Variants in GULP1 observed in about 807,000 individuals in gnomAD.
GULP1 encodes GULP PTB domain containing engulfment adaptor 1.
Under a neutral mutation model 40.9 loss-of-function variants are expected in GULP1, and 19 were observed. That is an observed-to-expected ratio of 0.46 (90% CI 0.32 to 0.68). The LOEUF (loss-of-function observed/expected upper bound fraction) is 0.68, where lower values mean the gene tolerates loss of function less well. GULP1 is among the 30% of genes least tolerant of loss of function. The probability of loss-of-function intolerance (pLI) is 0.03; values close to 1 mark genes in which losing one functional copy is unlikely to be tolerated. For missense variants in GULP1, 312 were observed against 362.2 expected, an observed-to-expected ratio of 0.86 and a Z score of 1.12; for synonymous variants, 119 against 117.6, an observed-to-expected ratio of 1.01 and a Z score of -0.08.
intron 4 of GULP1, among the ~76,000 whole-genome samples, chr2:188,504,029 T>C (rs893856776): frequency 8.6e-5 from 13 of 151,866 alleles, no homozygotes; most frequent in African/African-American, 1.7e-4. Flanking sequence ...ATACTTTTTT[T>C]CCCTGATAAT....
intron 7 of GULP1, among the ~76,000 whole-genome samples, chr2:188,563,592 A>T (rs978801121): frequency 2.0e-5 from 3 of 151,192 alleles, no homozygotes; most frequent in African/African-American, 7.3e-5. Flanking sequence ...TCGGAACTAA[A>T]TATTTGGCCC....
chr2:188,473,125 C>A (rs10185493), intron 2 of GULP1, among the ~76,000 whole-genome samples: 3,360 of 152,074 alleles, frequency 0.022, 131 homozygotes, highest in African/African-American at 0.077. Flanking sequence ...TTCTTCTTTT[C>A]TTTTTCTTTC....
intron 2 of GULP1, among the ~76,000 whole-genome samples, chr2:188,431,524 A>C (rs901312848): frequency 1.3e-5 from 2 of 152,196 alleles, no homozygotes; most frequent in Non-Finnish European, 2.9e-5. Flanking sequence ...CACGAAGAGT[A>C]ATTGTAAAAG....
rs2058711287 is a variant in GULP1 at position 188,450,070 on chromosome 2, ATAATAT to A, written c.-44-27583_-44-27578del. Among the ~76,000 whole-genome samples the A allele has an allele frequency of 2.6e-5, 4 of 152,186 alleles. No homozygotes were observed. The South Asian group carries it at 6.2e-4, about 24-fold the overall frequency. ...ACATGCAAATTGATGGTTATCTAAGATAATATTAATAATGTACATGATATGAAGAAA... is the reference window on the plus strand; with the variant it reads ...ACATGCAAATTGATGGTTATCTAAGATAATAATGTACATGATATGAAGAAA... On this transcript the variant is annotated intron_variant, in intron 2 of 11. Transcript: ENST00000409830.
At chr2:188,362,906 A>G (rs1006136078) in intron 1 of GULP1, among the ~76,000 whole-genome samples, 1 of 152,074 alleles carries the variant, frequency 6.6e-6, no homozygotes, top group Non-Finnish European at 1.5e-5. Flanking sequence ...ACTTCCAACC[A>G]GTGAAGGAGA....
At chr2:188,525,957 A>G (rs1212490394) in intron 5 of GULP1, among the ~76,000 whole-genome samples, 1 of 152,214 alleles carries the variant, frequency 6.6e-6, no homozygotes, top group African/African-American at 2.4e-5. Flanking sequence ...AAAAATATAA[A>G]CATGAGAACC....
chr2:188,419,503 T>G (rs1036327239), intron 2 of GULP1, among the ~76,000 whole-genome samples: 2 of 151,922 alleles, frequency 1.3e-5, no homozygotes, highest in African/African-American at 4.8e-5. Context: ...ATATCTTTTT[T>G]GGAAAAAATG....
chr2:188,572,760 A>G (rs1699335762), intron 9 of GULP1, among the ~76,000 whole-genome samples: 1 of 152,218 alleles, frequency 6.6e-6, no homozygotes, highest in Admixed American at 6.5e-5. Flanking sequence ...CCATGCACAG[A>G]AAGACAAATA....
intron 2 of GULP1, among the ~76,000 whole-genome samples, chr2:188,417,696 C>T (rs982378717): frequency 1.3e-5 from 2 of 152,090 alleles, no homozygotes; most frequent in African/African-American, 4.8e-5. Flanking sequence ...TCAAAGGATC[C>T]TTATTGATGA....
intron 4 of GULP1, among the ~76,000 whole-genome samples, chr2:188,500,866 T>C (rs2063364823): frequency 6.6e-6 from 1 of 151,892 alleles, no homozygotes; most frequent in Admixed American, 6.6e-5. Context: ...TTCTATCAAA[T>C]TGGGTAAAGG....
At chr2:188,524,609 T>A (rs939006846) in intron 5 of GULP1, among the ~76,000 whole-genome samples, 16 of 150,966 alleles carry the variant, frequency 1.1e-4, no homozygotes, top group Middle Eastern at 6.8e-3. Context: ...TATATATTTT[T>A]TTTTTGCTTT....
At chr2:188,445,279 A>G (rs2152888712) in intron 2 of GULP1, among the ~76,000 whole-genome samples, 1 of 152,250 alleles carries the variant, frequency 6.6e-6, no homozygotes, top group African/African-American at 2.4e-5. Flanking sequence ...GTAGAAACAA[A>G]TGAGGAATTG....
intron 5 of GULP1, among the ~76,000 whole-genome samples, chr2:188,525,258 G>A (rs1685864880): frequency 6.6e-6 from 1 of 151,854 alleles, no homozygotes; most frequent in Non-Finnish European, 1.5e-5. Context: ...GGGCTTGGTG[G>A]CACACACCTG....
chr2:188,589,526 T>C (rs1703085721), intron 11 of GULP1: 2 of 357,438 alleles, frequency 5.6e-6, no homozygotes, highest in African/African-American at 2.1e-5. Flanking sequence ...CTCTAAAAAT[T>C]TTTTAGATTT....
At chr2:188,379,823 C>T (rs1460185036) in intron 1 of GULP1, among the ~76,000 whole-genome samples, 1 of 152,138 alleles carries the variant, frequency 6.6e-6, no homozygotes, top group Non-Finnish European at 1.5e-5. Flanking sequence ...ATGGCGTGTT[C>T]GTTCTTATTC....
rs533398675 is a variant in GULP1 at position 188,318,068 on chromosome 2, A to T, written c.-172+25902A>T. Among the ~76,000 whole-genome samples the T allele has an allele frequency of 6.6e-5, 10 of 152,150 alleles. No homozygotes were observed. The South Asian group carries it at 1.7e-3, about 25-fold the overall frequency. Reference sequence around the variant, plus strand: ...TACCTGCCTAATCTTAGTTGGATGAAATAACTGATTTCCTTCTAATTAATT... The same window carrying T: ...TACCTGCCTAATCTTAGTTGGATGATATAACTGATTTCCTTCTAATTAATT... On this transcript the variant is annotated intron_variant, in intron 1 of 11. Coordinates refer to ENST00000409830, the MANE Select transcript of GULP1 (RefSeq NM_016315.4).
chr2:188,524,521 A>G (rs1685635255), intron 5 of GULP1, among the ~76,000 whole-genome samples: 1 of 151,748 alleles, frequency 6.6e-6, no homozygotes, highest in African/African-American at 2.4e-5. Context: ...TTTGTATATC[A>G]GGAAAGTATA....
intron 1 of GULP1, among the ~76,000 whole-genome samples, chr2:188,304,496 C>T (rs2036699696): frequency 6.6e-6 from 1 of 152,176 alleles, no homozygotes; most frequent in Non-Finnish European, 1.5e-5. Flanking sequence ...AGCCAGCAAA[C>T]AGTGGAACCA....
chr2:188,428,872 TA>T (rs1294753804), intron 2 of GULP1, among the ~76,000 whole-genome samples: 240 of 151,604 alleles, frequency 1.6e-3, no homozygotes, highest in Non-Finnish European at 2.9e-3. Context: ...CTAAGGACTT[TA>T]AAAAAAAGTG....
Sources: allele counts gnomAD v4.1 joint callset (sites outside exome capture counted in the v4.1 genomes callset), GRCh38; gene constraint gnomAD v4.1.1; transcripts MANE v1.5; gene names NCBI Gene and HGNC (gene_info 2026-07-23, HGNC 2026-07-21).